KIAA1217: variants seen among roughly 807,000 people sequenced by gnomAD.
KIAA1217 encodes the protein KIAA1217.
In KIAA1217, 88 loss-of-function variants were observed where a neutral mutation model predicts 163.9. The ratio of observed to expected loss-of-function variants is 0.54; its 90% CI spans 0.45 to 0.64. KIAA1217 has a LOEUF of 0.64. Among genes scored for constraint, KIAA1217 ranks in the 30% least tolerant of loss-of-function variants. The probability of loss-of-function intolerance (pLI) is 0.00; values close to 1 mark genes in which losing one functional copy is unlikely to be tolerated. For synonymous variants in KIAA1217, 903 were observed against 923.1 expected (o/e 0.98, Z 0.39); for missense variants, 2,372 against 2,475.0 (o/e 0.96, Z 0.88).
intron 5 of KIAA1217, 95 bp from the exon 6 acceptor site, chr10:24,473,133 A>G: frequency 1.2e-6 from 1 of 817,570 alleles, no homozygotes; most frequent in Non-Finnish European, 2.0e-6. Context: ...GAGGGTGTAT[A>G]CATCTTGCAG....
chr10:24,393,996 A>T (rs1231159420), intron 3 of KIAA1217, among the ~76,000 whole-genome samples: 2 of 152,226 alleles, frequency 1.3e-5, no homozygotes, highest in Admixed American at 6.5e-5. Flanking sequence ...TTTCTTCAAG[A>T]CATTAAAATT....
chr10:24,095,358 G>C (rs140816626), intron 2 of KIAA1217, among the ~76,000 whole-genome samples: 3,936 of 152,280 alleles, frequency 0.026, 72 homozygotes, highest in Middle Eastern at 0.078. Context: ...GACCGGAGCT[G>C]TTCCTATTCG....
intron 2 of KIAA1217, among the ~76,000 whole-genome samples, chr10:24,071,811 G>A (rs1434881539): frequency 6.6e-6 from 1 of 152,184 alleles, no homozygotes; most frequent in Non-Finnish European, 1.5e-5. Context: ...AATAAAGTGA[G>A]TGTTGAAGAT....
intron 2 of KIAA1217, among the ~76,000 whole-genome samples, chr10:24,126,479 T>C (rs1238953921): frequency 1.3e-5 from 2 of 152,204 alleles, no homozygotes; most frequent in Non-Finnish European, 2.9e-5. Context: ...CAAAGTCCCA[T>C]ATTTATTGTT....
At chr10:23,931,803 A>T (rs533248561) in intron 1 of KIAA1217, among the ~76,000 whole-genome samples, 2 of 152,264 alleles carry the variant, frequency 1.3e-5, no homozygotes, top group East Asian at 3.9e-4. Flanking sequence ...GGCAGGAAAC[A>T]GATGGTTTAC....
At chr10:24,318,432 G>C (rs1354874082) in intron 2 of KIAA1217, among the ~76,000 whole-genome samples, 2 of 152,186 alleles carry the variant, frequency 1.3e-5, no homozygotes, top group Non-Finnish European at 2.9e-5. Flanking sequence ...CCTCTAGACT[G>C]TCCTTGAACT....
At chr10:23,769,431 G>A (rs763795377) in intron 1 of KIAA1217, among the ~76,000 whole-genome samples, 10 of 152,116 alleles carry the variant, frequency 6.6e-5, no homozygotes, top group Non-Finnish European at 8.8e-5. Context: ...TGTAGCCTCC[G>A]GCTTCATGAC....
chr10:24,023,710 T>C lies in KIAA1217; in HGVS notation c.-171+16336T>C, dbSNP rs1022037493. On this transcript the variant is annotated intron_variant, in intron 2 of 18. Transcript: ENST00000376462. ...TATAAAATAATGTTCATAGTAACTT[T>C]AGTCATAATACAAAATAATGAAAAC... Among the ~76,000 whole-genome samples, 3 of 151,830 alleles carry C rather than the reference T, an allele frequency of 2.0e-5. No homozygotes were observed. In the South Asian group the frequency reaches 6.2e-4, roughly 31 times the overall value.
intron 1 of KIAA1217, among the ~76,000 whole-genome samples, chr10:23,902,318 A>G (rs1044482689): frequency 6.6e-6 from 1 of 152,082 alleles, no homozygotes; most frequent in South Asian, 2.1e-4. Flanking sequence ...GAGCTACGTG[A>G]TAAGAACACG....
intron 2 of KIAA1217, among the ~76,000 whole-genome samples, chr10:24,167,820 A>G (rs1017992140): frequency 2.0e-5 from 3 of 152,166 alleles, no homozygotes; most frequent in Non-Finnish European, 4.4e-5. Context: ...AGAGGCTGGG[A>G]AGTCCAAGAT....
At position 24,251,880 on chromosome 10, in the gene KIAA1217, A is replaced by AG. The variant is rs1251649060; in HGVS notation, c.354+31975dup. On this transcript the variant is annotated intron_variant, in intron 2 of 20. Coordinates refer to ENST00000376454, the MANE Select transcript of KIAA1217 (RefSeq NM_019590.5). ...TTAAAAAAAAAAAAAAAAAAAAAAAAGGGGCGGGGAGCTAAGAATTCCTGC... is the reference window on the plus strand; with the variant it reads ...TTAAAAAAAAAAAAAAAAAAAAAAAAGGGGGCGGGGAGCTAAGAATTCCTGC... Among the ~76,000 whole-genome samples, 12 of 99,772 alleles carry AG rather than the reference A, an allele frequency of 1.2e-4. No individual in the cohort carries two copies. In the East Asian group the frequency reaches 3.1e-3, roughly 26 times the overall value. The allele number at this position is 99,772 out of a possible 152,430, so 65.5% of individuals were successfully genotyped here.
intron 1 of KIAA1217, among the ~76,000 whole-genome samples, chr10:23,941,562 C>T (rs1843768281): frequency 1.3e-5 from 2 of 152,108 alleles, no homozygotes; most frequent in Admixed American, 1.3e-4. Flanking sequence ...ACTGGTTTGA[C>T]ATGTCACAGT....
chr10:24,270,929 C>T (rs1190901595), intron 2 of KIAA1217, among the ~76,000 whole-genome samples: 3 of 152,098 alleles, frequency 2.0e-5, no homozygotes, highest in African/African-American at 7.2e-5. Context: ...TTTTTTTGAT[C>T]TACAAAGCAC....
At chr10:24,438,588 C>A in intron 5 of KIAA1217, 109 bp downstream of exon 5, 1 of 720,714 alleles carries the variant, frequency 1.4e-6, no homozygotes. Context: ...TTGGAGGGTT[C>A]TCCGCACTCA....
At chr10:23,838,354 A>G (rs577526478) in intron 1 of KIAA1217, among the ~76,000 whole-genome samples, 1 of 152,352 alleles carries the variant, frequency 6.6e-6, no homozygotes, top group African/African-American at 2.4e-5. Flanking sequence ...TAAACATCCC[A>G]AAGTAGAGAA....
chr10:23,847,903 T>A (rs1282079713), intron 1 of KIAA1217, among the ~76,000 whole-genome samples: 1 of 152,190 alleles, frequency 6.6e-6, no homozygotes, highest in Non-Finnish European at 1.5e-5. Flanking sequence ...TCCCAGAGAT[T>A]CTGGTACATT....
chr10:24,376,281 C>G (rs922372888), intron 2 of KIAA1217, among the ~76,000 whole-genome samples: 1 of 152,290 alleles, frequency 6.6e-6, no homozygotes, highest in Admixed American at 6.5e-5. Context: ...TTCTGGATGA[C>G]ATGATCTTTT....
chr10:24,057,516 C>T (rs560142189), intron 2 of KIAA1217, among the ~76,000 whole-genome samples: 5 of 152,266 alleles, frequency 3.3e-5, no homozygotes. Context: ...TAAGTGGAAT[C>T]ATATGGTATT....
chr10:24,274,759 T>C (rs919777348), intron 2 of KIAA1217, among the ~76,000 whole-genome samples: 17 of 152,166 alleles, frequency 1.1e-4, no homozygotes, highest in Non-Finnish European at 2.5e-4. Context: ...GAAGACACCT[T>C]TTAAAATATA....
Sources: gnomAD v4.1 joint callset for allele counts (sites outside exome capture counted in the v4.1 genomes callset) on GRCh38, gnomAD v4.1.1 for gene constraint, MANE v1.5 for transcripts, NCBI Gene and HGNC (gene_info 2026-07-23, HGNC 2026-07-21) for gene names.